The following PTPRK variants were observed in gnomAD, a reference collection of about 807,000 sequenced individuals.
PTPRK encodes protein tyrosine phosphatase receptor type K.
PTPRK carries 75 observed loss-of-function variants against 178.0 expected under a neutral mutation model. The observed-to-expected ratio is 0.42, with a 90% confidence interval of 0.35 to 0.51. The LOEUF (loss-of-function observed/expected upper bound fraction) is 0.51. Ranked by LOEUF, PTPRK falls within the 20% of genes least tolerant of loss-of-function variation. The pLI is 0.02. For missense variants in PTPRK, 1,441 were observed against 1,797.8 expected (o/e 0.80, Z 3.59); for synonymous variants, 637 against 620.6 (o/e 1.03, Z -0.39).
chr6:128,071,464 T>C (rs1212087382), intron 11 of PTPRK, among the ~76,000 whole-genome samples: 3 of 152,036 alleles, frequency 2.0e-5, no homozygotes, highest in African/African-American at 7.2e-5. Context: ...GTTTAAAATC[T>C]TGATATACAC....
At chr6:128,227,986 G>A (rs1021747407) in intron 5 of PTPRK, among the ~76,000 whole-genome samples, 4 of 152,084 alleles carry the variant, frequency 2.6e-5, no homozygotes, top group East Asian at 1.9e-4. Context: ...GGGGCTAGGG[G>A]AGAGAGAACA....
At chr6:128,095,105 A>G (rs1376289298) in intron 7 of PTPRK, among the ~76,000 whole-genome samples, 1 of 152,110 alleles carries the variant, frequency 6.6e-6, no homozygotes, top group Admixed American at 6.6e-5. Flanking sequence ...TAAAAAAAAA[A>G]AGAATTGAAT....
In PTPRK at chr6:128,078,926, G is replaced by A. The variant is rs755787964; in HGVS notation, c.1778-8C>T. 9.0e-6 allele frequency: 14 copies of A among 1,556,328 alleles called. No individual in the cohort carries two copies. Among genetic ancestry groups the A allele is most frequent in the African/African-American group, 1.4e-5 (1 of 73,486 alleles). On this transcript the variant is annotated splice_polypyrimidine_tract_variant and splice_region_variant and intron_variant, in intron 10 of 29. Transcript: ENST00000368226. ...AGTCAGGTAAAGTTGGAGCTGATGA[G>A]TGATTAATGAGATAAAAAAGGTTCA...
chr6:128,447,917 C>T (rs868709443), intron 1 of PTPRK, among the ~76,000 whole-genome samples: 5 of 152,088 alleles, frequency 3.3e-5, no homozygotes, highest in South Asian at 2.1e-4. Flanking sequence ...CCACCGCGCC[C>T]GGCCCATTCT....
At chr6:128,221,479 A>G (rs940141545) in intron 5 of PTPRK, among the ~76,000 whole-genome samples, 11 of 151,430 alleles carry the variant, frequency 7.3e-5, no homozygotes, top group African/African-American at 2.7e-4. Context: ...AGCCGAGATC[A>G]CGCCACTGCA....
chr6:128,164,933 T>C (rs1023802420), intron 7 of PTPRK, among the ~76,000 whole-genome samples: 1 of 151,352 alleles, frequency 6.6e-6, no homozygotes, highest in Non-Finnish European at 1.5e-5. Context: ...AAAAGCTATC[T>C]AAATTATCAC....
Position 128,385,037 on chromosome 6 carries a change from T to C in PTPRK, c.223+12529A>G, listed in dbSNP as rs561247355. Among the ~76,000 whole-genome samples the C allele has an allele frequency of 2.0e-5, 3 of 149,304 alleles. No homozygotes were observed. The South Asian group carries it at 6.3e-4, about 31-fold the overall frequency. On this transcript the variant is annotated intron_variant, in intron 2 of 29. Transcript: ENST00000368226. Reference sequence around the variant, plus strand: ...AGAGCTGAGTTTCCTTATCATTGTGTTACCTTCTATTTTATTTTTAAATAT... The same window carrying C: ...AGAGCTGAGTTTCCTTATCATTGTGCTACCTTCTATTTTATTTTTAAATAT...
chr6:127,989,437 T>C (rs1227499889), intron 21 of PTPRK, among the ~76,000 whole-genome samples: 1 of 152,030 alleles, frequency 6.6e-6, no homozygotes, highest in Non-Finnish European at 1.5e-5. Context: ...AACTCACAAG[T>C]ATTTTTATAA....
intron 7 of PTPRK, among the ~76,000 whole-genome samples, chr6:128,174,508 T>C (rs1800771177): frequency 4.0e-5 from 6 of 151,888 alleles, no homozygotes. Flanking sequence ...CTAGGAGGTT[T>C]AAGTGCATGT....
At chr6:128,464,345 C>T (rs149983895) in intron 1 of PTPRK, among the ~76,000 whole-genome samples, 4 of 151,356 alleles carry the variant, frequency 2.6e-5, no homozygotes, top group African/African-American at 9.7e-5. Flanking sequence ...GCACAGAAGG[C>T]AAAGTAAATT....
chr6:128,208,373 T>G (rs1266144733), intron 6 of PTPRK, among the ~76,000 whole-genome samples: 2 of 151,862 alleles, frequency 1.3e-5, no homozygotes, highest in Admixed American at 6.6e-5. Flanking sequence ...GGAGCATTAT[T>G]ATCAGGAGCA....
intron 1 of PTPRK, among the ~76,000 whole-genome samples, chr6:128,481,023 C>G (rs1456902511): frequency 6.6e-6 from 1 of 151,926 alleles, no homozygotes; most frequent in African/African-American, 2.4e-5. Context: ...ACATACCATA[C>G]CCTGGACAGT....
intron 7 of PTPRK, among the ~76,000 whole-genome samples, chr6:128,153,972 C>T (rs1204327165): frequency 6.6e-6 from 1 of 151,790 alleles, no homozygotes; most frequent in East Asian, 1.9e-4. Flanking sequence ...TCCACAAATA[C>T]TGTCAATAAT....
intron 2 of PTPRK, among the ~76,000 whole-genome samples, chr6:128,395,868 T>G (rs1297168689): frequency 6.6e-6 from 1 of 152,092 alleles, no homozygotes; most frequent in East Asian, 1.9e-4. Flanking sequence ...GAGTGACAAT[T>G]CAGAGTAAAA....
chr6:128,319,867 T>C (rs1399356964), intron 3 of PTPRK, among the ~76,000 whole-genome samples: 1 of 152,140 alleles, frequency 6.6e-6, no homozygotes, highest in Non-Finnish European at 1.5e-5. Flanking sequence ...AATGATTAAA[T>C]TGATAAAAAC....
chr6:128,343,609 T>C (rs1831986707), intron 2 of PTPRK, among the ~76,000 whole-genome samples: 1 of 151,898 alleles, frequency 6.6e-6, no homozygotes, highest in South Asian at 2.1e-4. Context: ...AGAACTAGAA[T>C]ATGAATGCAT....
chr6:128,002,403 T>C (rs747584242), intron 15 of PTPRK, among the ~76,000 whole-genome samples: 1 of 151,856 alleles, frequency 6.6e-6, no homozygotes, highest in Admixed American at 6.6e-5. Flanking sequence ...GCTGGTAAAA[T>C]TGATATGGAA....
At chr6:128,102,899 A>G (rs978952101) in intron 7 of PTPRK, among the ~76,000 whole-genome samples, 1 of 152,114 alleles carries the variant, frequency 6.6e-6, no homozygotes, top group African/African-American at 2.4e-5. Flanking sequence ...TGATATAGAC[A>G]AGAGGCAGGG....
At chr6:128,302,538 A>G (rs1384451079) in intron 3 of PTPRK, among the ~76,000 whole-genome samples, 1 of 151,932 alleles carries the variant, frequency 6.6e-6, no homozygotes, top group East Asian at 1.9e-4. Flanking sequence ...TAAAGTCAAT[A>G]AATCTTTTAA....
Sources: gnomAD v4.1 joint callset for allele counts (sites outside exome capture counted in the v4.1 genomes callset) on GRCh38, gnomAD v4.1.1 for gene constraint, MANE v1.5 for transcripts, NCBI Gene and HGNC (gene_info 2026-07-23, HGNC 2026-07-21) for gene names.